LGMN: variants seen among roughly 807,000 people sequenced by gnomAD.
LGMN encodes asparaginyl endopeptidase.
In LGMN, 36 loss-of-function variants were observed where a neutral mutation model predicts 56.8. The ratio of observed to expected loss-of-function variants is 0.63; its 90% CI spans 0.49 to 0.84. The LOEUF (loss-of-function observed/expected upper bound fraction) is 0.84, where lower values mean the gene tolerates loss of function less well. LGMN is among the 40% of genes least tolerant of loss of function. The pLI is 0.00. For missense variants in LGMN, 446 were observed against 556.1 expected (o/e 0.80, Z 1.99); for synonymous variants, 199 against 210.1 (o/e 0.95, Z 0.46).
intron 11 of LGMN, among the ~76,000 whole-genome samples, chr14:92,708,320 C>A (rs141481449): frequency 3.9e-5 from 6 of 151,954 alleles, no homozygotes; most frequent in African/African-American, 1.5e-4. Context: ...GAGGTTTGGC[C>A]GGGTGCAGTG....
chr14:92,707,880 G>A (rs1038667726), intron 11 of LGMN, among the ~76,000 whole-genome samples: 3 of 152,132 alleles, frequency 2.0e-5, no homozygotes, highest in Non-Finnish European at 2.9e-5. Flanking sequence ...AGCCAGGTGC[G>A]GTGCCTCACG....
intron 1 of LGMN, 125 bp from the exon 2 acceptor site, chr14:92,732,940 G>A: frequency 1.5e-6 from 1 of 654,838 alleles, no homozygotes. Flanking sequence ...CAAGAGGTCA[G>A]GAGTTTGAGA....
intron 2 of LGMN, 136 bp from the exon 3 acceptor site, chr14:92,718,980 T>G (rs914890745): frequency 1.2e-5 from 7 of 591,594 alleles, no homozygotes; most frequent in Non-Finnish European, 2.2e-5. Flanking sequence ...ATTATTATTT[T>G]AAAACACATA....
intron 2 of LGMN, among the ~76,000 whole-genome samples, chr14:92,730,384 C>T (rs767157949): frequency 2.0e-5 from 3 of 152,084 alleles, no homozygotes; most frequent in Non-Finnish European, 4.4e-5. Flanking sequence ...ATTTCAATGA[C>T]TTAGTACAAA....
chr14:92,721,093 T>C (rs192215926), intron 2 of LGMN, among the ~76,000 whole-genome samples: 37 of 152,178 alleles, frequency 2.4e-4, no homozygotes, highest in Admixed American at 1.6e-3. Context: ...GGTCTCGCTA[T>C]GTTGCTTTGG....
chr14:92,706,597 G>C lies in LGMN; in HGVS notation c.1077C>G (p.Ser359=), dbSNP rs768536579. Residue 359 remains serine, a synonymous_variant, in exon 12 of 14, where the codon TCC becomes TCG. Coordinates refer to ENST00000334869, the MANE Select transcript of LGMN (RefSeq NM_005606.7). ...VRKIVSLLAA[S]EAEVEQLLSE... is the part of the protein sequence containing the mutation. ...ACAGGAGCTGCTCCACCTCAGCCTC[G>C]GACGCTGCCAGCAAGGAGACGATCT... 3 of 1,602,410 alleles carry C rather than the reference G, an allele frequency of 1.9e-6. No homozygotes were observed. The African/African-American group carries it at 4.0e-5, about 21-fold the overall frequency.
chr14:92,711,671 C>T lies in LGMN; in HGVS notation c.807G>A (p.Gln269=), dbSNP rs765740252. ...GCTCCCGACTCACTTTGTTTCCATA[C>T]TGCATGACGTGGCTGGTGTTGGTGT... The part of the protein sequence containing the change: ...KSHTNTSHVM[Q]YGNKTISTMK... The change falls in exon 10 of 14, where the codon CAG becomes CAA. Residue 269 remains glutamine (Q), a synonymous_variant. Coordinates refer to ENST00000334869, the MANE Select transcript of LGMN (RefSeq NM_005606.7). 2 of 1,614,240 alleles carry T rather than the reference C, an allele frequency of 1.2e-6. No homozygotes were observed. Among genetic ancestry groups the T allele is most frequent in the Non-Finnish European group, 8.5e-7 (1 of 1,180,026 alleles).
At chr14:92,742,492 G>C (rs1335674184) in intron 1 of LGMN, among the ~76,000 whole-genome samples, 1 of 151,860 alleles carries the variant, frequency 6.6e-6, no homozygotes. Context: ...TTGCCATGTT[G>C]GCCAGGCTGG....
intron 1 of LGMN, among the ~76,000 whole-genome samples, chr14:92,738,522 C>T (rs1459925411): frequency 3.3e-5 from 5 of 151,566 alleles, no homozygotes; most frequent in African/African-American, 1.2e-4. Context: ...TCATGATCTG[C>T]CTGTCTCAGC....
At chr14:92,735,260 G>A (rs1028135785) in intron 1 of LGMN, among the ~76,000 whole-genome samples, 2 of 152,104 alleles carry the variant, frequency 1.3e-5, no homozygotes, top group Admixed American at 6.6e-5. Context: ...AGGCTGGAGT[G>A]CACTGGGGCA....
At chr14:92,719,957 G>A (rs1186527731) in intron 2 of LGMN, among the ~76,000 whole-genome samples, 1 of 152,226 alleles carries the variant, frequency 6.6e-6, no homozygotes, top group Non-Finnish European at 1.5e-5. Context: ...GACAGCCTGA[G>A]CAACTGGGTG....
chr14:92,727,429 C>CA (rs35889328), intron 2 of LGMN, among the ~76,000 whole-genome samples: 11,018 of 47,888 alleles, frequency 0.23, 830 homozygotes, highest in East Asian at 0.35. Flanking sequence ...GACTGCCTCA[C>CA]AAAAAAAAAA....
At chr14:92,739,420 C>T (rs1239013484) in intron 1 of LGMN, among the ~76,000 whole-genome samples, 1 of 152,154 alleles carries the variant, frequency 6.6e-6, no homozygotes, top group African/African-American at 2.4e-5. Flanking sequence ...ACCTCCTCTC[C>T]TTTAACTTCC....
Position 92,711,652 on chromosome 14 carries a change from G to A in LGMN, c.819+7C>T, listed in dbSNP as rs373991531. On this transcript the variant is annotated splice_region_variant and intron_variant, in intron 10 of 13. Coordinates refer to ENST00000334869, the MANE Select transcript of LGMN (RefSeq NM_005606.7). ...CAGAGGGCCAGCACGCGAGGCTCCC[G>A]ACTCACTTTGTTTCCATACTGCATG... is the stretch of plus-strand genomic sequence containing the variant. The A allele has an allele frequency of 2.9e-5, 46 of 1,613,480 alleles. No homozygotes were observed. The highest frequency in any genetic ancestry group is 3.4e-5 in the Non-Finnish European group (40 of 1,179,538).
intron 8 of LGMN, 25 bp downstream of exon 8, chr14:92,712,780 C>G (rs56932671): frequency 6.2e-7 from 1 of 1,609,874 alleles, no homozygotes; most frequent in Non-Finnish European, 8.5e-7. Flanking sequence ...CAGCCCAGGT[C>G]GAGGCCGGCG....
At chr14:92,715,128 A>T (rs991272050) in intron 5 of LGMN, among the ~76,000 whole-genome samples, 5 of 151,086 alleles carry the variant, frequency 3.3e-5, no homozygotes, top group African/African-American at 1.2e-4. Context: ...CCTCCCGAGT[A>T]GCTGGGATTA....
intron 12 of LGMN, 75 bp from the exon 13 acceptor site, chr14:92,704,782 A>G (rs538385568): frequency 1.7e-6 from 2 of 1,184,040 alleles, no homozygotes; most frequent in African/African-American, 3.0e-5. Flanking sequence ...GCAATTGCAG[A>G]GGGGAAGCAT....
At chr14:92,709,903 A>C (rs1188077793) in intron 10 of LGMN, 31 bp from the exon 11 acceptor site, 1 of 1,525,426 alleles carries the variant, frequency 6.6e-7, no homozygotes, top group South Asian at 1.2e-5. Context: ...AGAGAGCGAG[A>C]GAGAAAGCGA....
intron 11 of LGMN, among the ~76,000 whole-genome samples, chr14:92,708,224 C>G (rs138489768): frequency 3.0e-4 from 46 of 151,790 alleles, no homozygotes; most frequent in African/African-American, 1.1e-3. Context: ...CCTTTCATCT[C>G]ATCTTAATTT....
Sources: allele counts gnomAD v4.1 joint callset (sites outside exome capture counted in the v4.1 genomes callset), GRCh38; gene constraint gnomAD v4.1.1; transcripts MANE v1.5; gene names NCBI Gene and HGNC (gene_info 2026-07-23, HGNC 2026-07-21).